Variants in DIS3L2 observed in about 807,000 individuals in gnomAD.
DIS3L2 encodes DIS3 like 3'-5' exoribonuclease 2.
Under a neutral mutation model 97.5 loss-of-function variants are expected in DIS3L2, and 34 were observed. The ratio of observed to expected loss-of-function variants is 0.35; its 90% confidence interval spans 0.27 to 0.46. The LOEUF (loss-of-function observed/expected upper bound fraction) is 0.46, where lower values mean the gene tolerates loss of function less well. DIS3L2 is among the 20% of genes least tolerant of loss of function. The pLI is 1.00. For missense variants in DIS3L2, 1,038 were observed against 1,146.0 expected, an observed-to-expected ratio of 0.91 and a Z score of 1.36; for synonymous variants, 435 against 445.2, an observed-to-expected ratio of 0.98 and a Z score of 0.29.
Position 232,014,940 on chromosome 2 carries a change from G to T in DIS3L2, c.13G>T (p.Asp5Tyr). MSHP[D>Y]YRMNLRPLGT... ...CTTGGAGCCAATAATGAGCCATCCT[G>T]ACTACAGAATGAACCTCCGGCCCCT... Residue 5 changes from aspartate to tyrosine, a missense_variant, in exon 2 of 21, where the codon GAC becomes TAC. Asp to Tyr is a radical substitution (Grantham distance 160, BLOSUM62 -3). This residue lies in a region of DIS3L2 where 813 missense variants were observed against 880.1 expected (regional missense o/e 0.92). Transcript: ENST00000325385. 1.2e-6 allele frequency: 2 copies of T among 1,613,950 alleles called. No individual in the cohort carries two copies. Among genetic ancestry groups the T allele is most frequent in the South Asian group, 2.2e-5 (2 of 91,068 alleles).
intron 5 of DIS3L2, among the ~76,000 whole-genome samples, chr2:232,032,357 T>C (rs1694827463): frequency 6.6e-6 from 1 of 152,220 alleles, no homozygotes. Context: ...GATGGTTTGT[T>C]TTCTTGTAAA....
In DIS3L2 at chr2:232,293,549, A is replaced by T. The variant is rs181542171; in HGVS notation, c.1660-6491A>T. Among the ~76,000 whole-genome samples, 194 of 152,300 alleles carry T rather than the reference A, an allele frequency of 1.3e-3. No homozygotes were observed. The highest frequency in any genetic ancestry group is 4.6e-3 in the African/African-American group (191 of 41,558). ...GCCTAAGAGAGCCTGGTCTGCTCTG[A>T]ACCCCTCAGGGAAGTGGACCGCGTC... On this transcript the variant is annotated intron_variant, in intron 13 of 20. Coordinates refer to ENST00000325385, the MANE Select transcript of DIS3L2 (RefSeq NM_152383.5). The surrounding 1 kb of genome is among the most constrained non-coding windows in gnomAD (Gnocchi z 4.6).
intron 10 of DIS3L2, among the ~76,000 whole-genome samples, chr2:232,232,309 T>A (rs1378330807): frequency 2.6e-5 from 4 of 152,176 alleles, no homozygotes; most frequent in African/African-American, 9.6e-5. Flanking sequence ...GCAGGGCCTC[T>A]GGAGGGTGTA....
intron 5 of DIS3L2, among the ~76,000 whole-genome samples, chr2:232,042,051 G>A (rs1394486682): frequency 1.3e-5 from 2 of 152,166 alleles, no homozygotes. Flanking sequence ...AATAATAGAT[G>A]TATAGGTGAG....
At chr2:232,051,807 G>A (rs1440866609) in intron 5 of DIS3L2, among the ~76,000 whole-genome samples, 3 of 55,622 alleles carry the variant, frequency 5.4e-5, no homozygotes, top group African/African-American at 2.3e-4. Context: ...GCGAGACTCC[G>A]TCTCAAAAAA....
chr2:232,136,947 C>G (rs961434258), intron 8 of DIS3L2, among the ~76,000 whole-genome samples: 1 of 151,982 alleles, frequency 6.6e-6, no homozygotes, highest in Admixed American at 6.6e-5. Flanking sequence ...TGTTTTTTGG[C>G]GTAAAACATG....
chr2:231,998,520 A>T (rs1300491997), intron 1 of DIS3L2, among the ~76,000 whole-genome samples: 17 of 152,198 alleles, frequency 1.1e-4, no homozygotes, highest in Admixed American at 1.1e-3. Context: ...ATCAGGAGAC[A>T]TATAATGTTG....
chr2:232,065,452 A>G (rs1695828149), intron 5 of DIS3L2, among the ~76,000 whole-genome samples: 1 of 151,964 alleles, frequency 6.6e-6, no homozygotes, highest in Non-Finnish European at 1.5e-5. Context: ...TTATTTTAGC[A>G]CATTTGTTTA....
At chr2:232,173,706 A>ATT (rs534614785) in intron 9 of DIS3L2, among the ~76,000 whole-genome samples, 297 of 152,312 alleles carry the variant, frequency 1.9e-3, no homozygotes, top group African/African-American at 6.7e-3. Context: ...TTCTTTCTTC[A>ATT]TGAAATTGTC....
At chr2:232,270,876 C>CTCTCTCTCTT (rs1693979507) in intron 13 of DIS3L2, among the ~76,000 whole-genome samples, 3 of 125,408 alleles carry the variant, frequency 2.4e-5, no homozygotes, top group South Asian at 2.6e-4. Flanking sequence ...CTCTCTCTCT[C>CTCTCTCTCTT]TCTCTCTCTC....
chr2:232,161,860 ACT>A (rs1242034047), intron 8 of DIS3L2, among the ~76,000 whole-genome samples: 1 of 150,614 alleles, frequency 6.6e-6, no homozygotes, highest in Non-Finnish European at 1.5e-5. Flanking sequence ...GCAACCTCTG[ACT>A]CTCTGGTTCA....
chr2:232,219,696 C>T (rs1692440379), intron 10 of DIS3L2, among the ~76,000 whole-genome samples: 1 of 152,116 alleles, frequency 6.6e-6, no homozygotes, highest in Non-Finnish European at 1.5e-5. Context: ...CTCTTATTTC[C>T]TTGCCAGGTG....
chr2:232,135,213 C>T (rs1029092373), intron 7 of DIS3L2, among the ~76,000 whole-genome samples: 1 of 151,988 alleles, frequency 6.6e-6, no homozygotes, highest in African/African-American at 2.4e-5. Flanking sequence ...CGTGGGAGGG[C>T]CAGACTGTAA....
At chr2:232,264,528 C>CT (rs1693804717) in intron 13 of DIS3L2, among the ~76,000 whole-genome samples, 1 of 152,048 alleles carries the variant, frequency 6.6e-6, no homozygotes. Flanking sequence ...GTATTATGGA[C>CT]TTTTTTTCTC....
At chr2:232,155,059 G>A (rs1164751797) in intron 8 of DIS3L2, among the ~76,000 whole-genome samples, 3 of 150,296 alleles carry the variant, frequency 2.0e-5, no homozygotes, top group Non-Finnish European at 1.5e-5. Context: ...CCCTGCTTCG[G>A]CTCGCGCACG....
chr2:232,248,370 G>C (rs756784318), intron 11 of DIS3L2, among the ~76,000 whole-genome samples: 38 of 152,284 alleles, frequency 2.5e-4, no homozygotes, highest in Middle Eastern at 3.4e-3. Context: ...TTAGAGAGGT[G>C]GGGTGGATGG....
chr2:232,232,580 T>C (rs1692824446), intron 10 of DIS3L2, among the ~76,000 whole-genome samples: 1 of 152,124 alleles, frequency 6.6e-6, no homozygotes. Context: ...TAGGCAAGCA[T>C]GGGTATCACT....
intron 14 of DIS3L2, 25 bp from the exon 15 acceptor site, chr2:232,329,788 C>CGGGGGGCG: frequency 1.9e-6 from 2 of 1,080,626 alleles, no homozygotes; most frequent in Non-Finnish European, 1.3e-6. Context: ...CCAGCGGTCC[C>CGGGGGGCG]TCCCATCCCA....
intron 9 of DIS3L2, among the ~76,000 whole-genome samples, chr2:232,179,789 G>T (rs1691213947): frequency 1.0e-5 from 1 of 97,282 alleles, no homozygotes; most frequent in South Asian, 5.2e-4. Context: ...TTTTTGAAGG[G>T]TTTTTTGTGT....
Sources: gnomAD v4.1 joint callset for allele counts (sites outside exome capture counted in the v4.1 genomes callset) on GRCh38, gnomAD v4.1.1 for gene constraint, gnomAD v4.1.1 regional missense constraint, Gnocchi (gnomAD v3.1) non-coding constraint, MANE v1.5 for transcripts, NCBI Gene and HGNC (gene_info 2026-07-23, HGNC 2026-07-21) for gene names.